LRFN2: variants seen among roughly 807,000 people sequenced by gnomAD.
LRFN2 encodes the protein leucine rich repeat and fibronectin type III domain containing 2.
In LRFN2, 18 loss-of-function variants were observed where a neutral mutation model predicts 37.3. The observed-to-expected ratio is 0.48, with a 90% confidence interval of 0.33 to 0.72. The LOEUF is 0.72. Among genes scored for constraint, LRFN2 ranks in the 30% least tolerant of loss-of-function variants. The pLI is 0.02. For synonymous variants in LRFN2, 556 were observed against 466.6 expected, an observed-to-expected ratio of 1.19 and a Z score of -2.47; for missense variants, 1,006 against 1,060.7, an observed-to-expected ratio of 0.95 and a Z score of 0.72.
intron 2 of LRFN2, among the ~76,000 whole-genome samples, chr6:40,423,231 G>T (rs1432360780): frequency 6.6e-6 from 1 of 152,184 alleles, no homozygotes; most frequent in Admixed American, 6.5e-5. Context: ...TTTCTGAAAG[G>T]GGTTATACCT....
intron 1 of LRFN2, among the ~76,000 whole-genome samples, chr6:40,526,321 C>A (rs916152330): frequency 6.6e-6 from 1 of 152,194 alleles, no homozygotes; most frequent in East Asian, 1.9e-4. Context: ...ATTCCAAGTG[C>A]CAAATTCAGT....
intron 1 of LRFN2, among the ~76,000 whole-genome samples, chr6:40,530,026 G>C (rs1304858943): frequency 6.6e-6 from 1 of 152,134 alleles, no homozygotes; most frequent in Non-Finnish European, 1.5e-5. Flanking sequence ...GGCCCCTATG[G>C]GTGAATGTGT....
intron 1 of LRFN2, among the ~76,000 whole-genome samples, chr6:40,437,438 A>G (rs995204707): frequency 3.9e-5 from 6 of 152,214 alleles, no homozygotes; most frequent in Non-Finnish European, 7.3e-5. Flanking sequence ...AGAGGCACAG[A>G]GCCCATTGTT....
intron 1 of LRFN2, among the ~76,000 whole-genome samples, chr6:40,488,793 C>A (rs753770032): frequency 6.6e-6 from 1 of 152,150 alleles, no homozygotes; most frequent in African/African-American, 2.4e-5. Flanking sequence ...GCCTCCTCTG[C>A]CTCCTTGAGG....
At chr6:40,436,970 T>C (rs1763694034) in intron 1 of LRFN2, among the ~76,000 whole-genome samples, 1 of 152,138 alleles carries the variant, frequency 6.6e-6, no homozygotes, top group Admixed American at 6.5e-5. Flanking sequence ...AGGATGTCCC[T>C]TGCTAATTAA....
rs374680354 is a variant in LRFN2 at position 40,448,133 on chromosome 6, C to T, written c.-18-15002G>A. Among the ~76,000 whole-genome samples the T allele has an allele frequency of 1.2e-4, 18 of 152,238 alleles. No homozygotes were observed. The South Asian group carries it at 1.2e-3, about 11-fold the overall frequency. Reference sequence around the variant, plus strand: ...CCTCCTGAGCAGTGTCCTTCACACCCGTGAATCCTTCCTCCACTCACACCC... The same window carrying T: ...CCTCCTGAGCAGTGTCCTTCACACCTGTGAATCCTTCCTCCACTCACACCC... On this transcript the variant is annotated intron_variant, in intron 1 of 2. Coordinates refer to ENST00000338305, the MANE Select transcript of LRFN2 (RefSeq NM_020737.3).
chr6:40,434,614 C>A (rs1763599448), intron 1 of LRFN2, among the ~76,000 whole-genome samples: 1 of 151,786 alleles, frequency 6.6e-6, no homozygotes, highest in African/African-American at 2.4e-5. Flanking sequence ...ATAGCTGGGA[C>A]TACAGGCACA....
intron 2 of LRFN2, among the ~76,000 whole-genome samples, chr6:40,404,370 C>T (rs1233714195): frequency 1.3e-5 from 2 of 152,076 alleles, no homozygotes; most frequent in East Asian, 3.9e-4. Context: ...CAGCACAGAC[C>T]GTTGAAAACA....
chr6:40,585,852 T>TACACACAC lies in LRFN2; in HGVS notation c.-19+1081_-19+1088dup, dbSNP rs59391301. Among the ~76,000 whole-genome samples the TACACACAC allele has an allele frequency of 4.6e-4, 68 of 148,776 alleles. No individual in the cohort carries two copies. In the South Asian group the frequency reaches 6.2e-3, roughly 14 times the overall value. On this transcript the variant is annotated intron_variant, in intron 1 of 2. Coordinates refer to ENST00000338305, the MANE Select transcript of LRFN2 (RefSeq NM_020737.3). The stretch of plus-strand genomic sequence containing the variant: ...ACACATGCGTACACACACACACGCG[T>TACACACAC]ACACACACACACACACACACACACT...
intron 1 of LRFN2, among the ~76,000 whole-genome samples, chr6:40,485,594 G>T (rs1764938266): frequency 1.3e-5 from 2 of 152,200 alleles, no homozygotes; most frequent in Non-Finnish European, 2.9e-5. Flanking sequence ...GCTCTGAAAT[G>T]CCCTCTCATA....
At chr6:40,410,163 G>A (rs1160686172) in intron 2 of LRFN2, among the ~76,000 whole-genome samples, 1 of 152,166 alleles carries the variant, frequency 6.6e-6, no homozygotes, top group African/African-American at 2.4e-5. Flanking sequence ...GGGAGGGTGG[G>A]GGAGCAGAGC....
At chr6:40,553,528 A>G (rs1473258504) in intron 1 of LRFN2, among the ~76,000 whole-genome samples, 1 of 152,132 alleles carries the variant, frequency 6.6e-6, no homozygotes, top group Admixed American at 6.5e-5. Context: ...CTCCATTTGT[A>G]AATAGGGGAG....
chr6:40,549,702 C>G (rs1332398008), intron 1 of LRFN2, among the ~76,000 whole-genome samples: 1 of 151,440 alleles, frequency 6.6e-6, no homozygotes, highest in Admixed American at 6.6e-5. Flanking sequence ...ATTGGGCTCA[C>G]CAGGAAGTGT....
intron 1 of LRFN2, among the ~76,000 whole-genome samples, chr6:40,495,092 C>T (rs1210415434): frequency 2.0e-5 from 3 of 152,288 alleles, no homozygotes; most frequent in South Asian, 2.1e-4. Context: ...ACTGGGCAGA[C>T]CTTTGAACCT....
chr6:40,522,635 T>A (rs1449681922), intron 1 of LRFN2, among the ~76,000 whole-genome samples: 1 of 152,096 alleles, frequency 6.6e-6, no homozygotes, highest in South Asian at 2.1e-4. Context: ...GGGGACCGTA[T>A]AAATTTTGCT....
At chr6:40,465,040 G>A (rs1156845524) in intron 1 of LRFN2, among the ~76,000 whole-genome samples, 1 of 152,124 alleles carries the variant, frequency 6.6e-6, no homozygotes, top group African/African-American at 2.4e-5. Flanking sequence ...ATTATCCTGG[G>A]AGCATCCAAT....
chr6:40,582,141 TG>T (rs1767416105), intron 1 of LRFN2, among the ~76,000 whole-genome samples: 1 of 152,134 alleles, frequency 6.6e-6, no homozygotes, highest in Non-Finnish European at 1.5e-5. Flanking sequence ...TCCTCTGTGT[TG>T]TCCTACACCA....
intron 1 of LRFN2, among the ~76,000 whole-genome samples, chr6:40,454,568 T>G (rs540767888): frequency 6.8e-4 from 104 of 152,284 alleles, no homozygotes; most frequent in African/African-American, 2.3e-3. Context: ...CATTTGTGAT[T>G]GGCCATCTCT....
chr6:40,414,119 C>T (rs1763040592), intron 2 of LRFN2, among the ~76,000 whole-genome samples: 1 of 152,228 alleles, frequency 6.6e-6, no homozygotes, highest in Admixed American at 6.5e-5. Flanking sequence ...CTGGCCCTGC[C>T]AGCTCCTAGC....
Sources: allele counts gnomAD v4.1 joint callset (sites outside exome capture counted in the v4.1 genomes callset), GRCh38; gene constraint gnomAD v4.1.1; transcripts MANE v1.5; gene names NCBI Gene and HGNC (gene_info 2026-07-23, HGNC 2026-07-21).